Variants in DAAM2 observed in about 807,000 individuals in gnomAD.
DAAM2 encodes disheveled-associated activator of morphogenesis 2.
Under a neutral mutation model 120.7 loss-of-function variants are expected in DAAM2, and 39 were observed. The ratio of observed to expected loss-of-function variants is 0.32; its 90% CI spans 0.25 to 0.42. DAAM2 has a LOEUF of 0.42. Ranked by LOEUF, DAAM2 falls within the 10% of genes least tolerant of loss-of-function variation. The pLI, the probability that DAAM2 is intolerant of heterozygous loss-of-function variation, is 1.00. For missense variants in DAAM2, 1,283 were observed against 1,401.7 expected, an observed-to-expected ratio of 0.92 and a Z score of 1.35; for synonymous variants, 488 against 524.9, an observed-to-expected ratio of 0.93 and a Z score of 0.96.
At chr6:39,808,772 A>G (rs1203158168) in intron 1 of DAAM2, among the ~76,000 whole-genome samples, 1 of 152,202 alleles carries the variant, frequency 6.6e-6, no homozygotes, top group Admixed American at 6.5e-5. Context: ...CTTAACTCTC[A>G]GTTCAGCAGC....
chr6:39,796,745 C>A (rs1761716205), intron 1 of DAAM2, among the ~76,000 whole-genome samples: 1 of 151,496 alleles, frequency 6.6e-6, no homozygotes, highest in Admixed American at 6.6e-5. Context: ...CAAGGAAGAG[C>A]TTTAGAATCA....
intron 1 of DAAM2, among the ~76,000 whole-genome samples, chr6:39,802,909 G>T (rs1213894294): frequency 6.6e-6 from 1 of 152,048 alleles, no homozygotes; most frequent in East Asian, 1.9e-4. Context: ...CTGACTTCTA[G>T]CACCATAGAT....
chr6:39,795,147 C>G (rs1388639401), intron 1 of DAAM2, among the ~76,000 whole-genome samples: 1 of 152,184 alleles, frequency 6.6e-6, no homozygotes, highest in Non-Finnish European at 1.5e-5. Flanking sequence ...CTCATTCTAT[C>G]AGTTCAATCT....
Position 39,879,423 on chromosome 6 carries a change from T to C in DAAM2, c.1791T>C (p.Arg597=), listed in dbSNP as rs1390146787. 1 of 1,613,596 alleles carries C rather than the reference T, an allele frequency of 6.2e-7. No homozygotes were observed. Among genetic ancestry groups the C allele is most frequent in the South Asian group, 1.1e-5 (1 of 91,066 alleles). Residue 597 remains arginine (R), a synonymous_variant, in exon 14 of 25, where the codon CGT becomes CGC. Transcript: ENST00000274867. ...PSSDVPLRKK[R]VPQPSHPLKS... ...GTGACGTCCCACTCAGGAAAAAGCG[T>C]GTCCCCCAGCCTTCTCACCCACTGA...
At chr6:39,886,525 G>A in intron 15 of DAAM2, 1 of 399,096 alleles carries the variant, frequency 2.5e-6, no homozygotes, top group Non-Finnish European at 4.4e-6. Flanking sequence ...GGGCCTGACA[G>A]AGAGGACTTG....
In DAAM2 at chr6:39,813,252, T is replaced by C. The variant is rs569487796; in HGVS notation, c.-57+20787T>C. Among the ~76,000 whole-genome samples, 12 of 152,268 alleles carry C rather than the reference T, an allele frequency of 7.9e-5. No individual in the cohort carries two copies. In the East Asian group the frequency reaches 2.3e-3, roughly 29 times the overall value. The stretch of plus-strand genomic sequence containing the variant: ...GTTCCTTTTGGCATGGACCACTTAC[T>C]GTTTGAAGAGCCCTCTAGTGAGTTT... On this transcript the variant is annotated intron_variant, in intron 1 of 24. Transcript: ENST00000274867.
In DAAM2 at chr6:39,865,015, G is replaced by A. The variant is rs749360733; in HGVS notation, c.369G>A (p.Thr123=). Residue 123 remains threonine, a synonymous_variant, in exon 5 of 25, where the codon ACG becomes ACA. Transcript: ENST00000274867. The part of the protein sequence containing the change: ...QSLYAFDEEE[T]EMRNQVVEDL... ...TGTACGCGTTTGATGAGGAGGAGAC[G>A]GAGATGAGGAACCAAGTCGTGGAAG... 9 of 1,607,708 alleles carry A rather than the reference G, an allele frequency of 5.6e-6. No homozygotes were observed. The highest frequency in any genetic ancestry group is 5.3e-5 in the African/African-American group (4 of 74,834).
At chr6:39,853,362 T>C (rs931253737) in intron 1 of DAAM2, among the ~76,000 whole-genome samples, 1 of 152,192 alleles carries the variant, frequency 6.6e-6, no homozygotes, top group Non-Finnish European at 1.5e-5. Context: ...CTGTCATACA[T>C]GCAGCCCCTC....
At chr6:39,802,280 T>C (rs1299219461) in intron 1 of DAAM2, among the ~76,000 whole-genome samples, 2 of 152,308 alleles carry the variant, frequency 1.3e-5, no homozygotes, top group East Asian at 3.9e-4. Context: ...CATAAAGCTG[T>C]TTTTCAGAGC....
At chr6:39,887,927 C>A in intron 16 of DAAM2, 1 of 286,846 alleles carries the variant, frequency 3.5e-6, no homozygotes, top group Non-Finnish European at 6.8e-6. Context: ...AGGGCAGTAT[C>A]TGCGCTAACA....
chr6:39,832,656 A>C (rs1440914313), intron 1 of DAAM2, among the ~76,000 whole-genome samples: 5 of 152,206 alleles, frequency 3.3e-5, no homozygotes, highest in African/African-American at 1.2e-4. Flanking sequence ...ACTTCCTGTG[A>C]GGGCAGCTCC....
Position 39,891,660 on chromosome 6 carries a change from A to G in DAAM2, c.2279A>G (p.Gln760Arg), listed in dbSNP as rs570413956. 3.2e-5 allele frequency: 52 copies of G among 1,611,696 alleles called. No individual in the cohort carries two copies. The East Asian group carries it at 1.0e-3, about 32-fold the overall frequency. ...SRIDHYQQRL[Q>R]ALFFKKKFQE... ...ATTGACCACTACCAGCAGCGACTGC[A>G]AGCCCTCTTCTTCAAGAAGAAATTC... Residue 760 changes from glutamine to arginine, a missense_variant, in exon 19 of 25, where the codon CAA (glutamine) becomes CGA (arginine). Gln to Arg is a conservative substitution (Grantham distance 43). Around this residue, in one of 3 missense-constraint regions of DAAM2, gnomAD observed 748 missense variants for 768.6 expected, o/e 0.97. Coordinates refer to ENST00000274867, the MANE Select transcript of DAAM2 (RefSeq NM_001201427.2).
rs1327034231 is a variant in DAAM2 at position 39,879,129 on chromosome 6, G to C, written c.1546-49G>C. ...GGAATCATGGTGGGAGACCTGAATGGCAACGGTGCTGATGGCTTTGTCCTT... is the reference window on the plus strand; with the variant it reads ...GGAATCATGGTGGGAGACCTGAATGCCAACGGTGCTGATGGCTTTGTCCTT... On this transcript the variant is annotated intron_variant, in intron 13 of 24. Transcript: ENST00000274867. 5 of 1,233,656 alleles carry C rather than the reference G, an allele frequency of 4.1e-6. No homozygotes were observed. The African/African-American group carries it at 7.6e-5, about 19-fold the overall frequency. 76.4% of individuals were successfully genotyped at this position (1,233,656 alleles called of 1,614,324 possible). A position where few individuals can be genotyped will look rare whatever the true frequency, so the allele number is the denominator to read the frequency against.
rs975447697 is a variant in DAAM2, at chr6:39,904,418, G to C, written c.*2381G>C. Reference sequence around the variant, plus strand: ...GGTGCCCAGTCGGGGTGGCTGAGCTGGTCCTTAATAGGTTGTTTCTTGGTC... The same window carrying C: ...GGTGCCCAGTCGGGGTGGCTGAGCTCGTCCTTAATAGGTTGTTTCTTGGTC... On this transcript the variant is annotated 3_prime_UTR_variant, in exon 25 of 25. Transcript: ENST00000274867. 4.4e-6 allele frequency: 2 copies of C among 455,292 alleles called. No individual in the cohort carries two copies. The highest frequency in any genetic ancestry group is 4.0e-5 in the African/African-American group (2 of 50,140). 28.2% of individuals were successfully genotyped at this position (455,292 alleles called of 1,614,324 possible). A position where few individuals can be genotyped will look rare whatever the true frequency, so the allele number is the denominator to read the frequency against.
intron 14 of DAAM2, among the ~76,000 whole-genome samples, chr6:39,880,407 G>T (rs1582726597): frequency 6.6e-6 from 1 of 152,124 alleles, no homozygotes; most frequent in East Asian, 1.9e-4. Context: ...TCTGCCAGGG[G>T]TCTTCTCCTA....
intron 2 of DAAM2, among the ~76,000 whole-genome samples, chr6:39,856,843 G>A (rs1052717355): frequency 6.6e-6 from 1 of 152,194 alleles, no homozygotes; most frequent in Non-Finnish European, 1.5e-5. Context: ...GAGTTTCCCT[G>A]GGATCTTTTA....
rs1764975336 is a variant in DAAM2, at chr6:39,878,658, AGGTGTC to A, written c.1545+73_1545+78del. On this transcript the variant is annotated intron_variant, in intron 13 of 24. Coordinates refer to ENST00000274867, the MANE Select transcript of DAAM2 (RefSeq NM_001201427.2). The surrounding 1 kb of genome is among the most constrained non-coding windows in gnomAD (Gnocchi z 5.0). ...GGCTTCAGGACTGGGTGGGCAGAGC[AGGTGTC>A]GGAGAGGCCAAGGACCCCAGCATGA... 16 of 1,486,556 alleles carry A rather than the reference AGGTGTC, an allele frequency of 1.1e-5. No individual in the cohort carries two copies. Among genetic ancestry groups the A allele is most frequent in the Non-Finnish European group, 1.3e-5 (14 of 1,106,146 alleles). 92.1% of individuals were successfully genotyped at this position (1,486,556 alleles called of 1,614,324 possible). A position where few individuals can be genotyped will look rare whatever the true frequency, so the allele number is the denominator to read the frequency against.
intron 1 of DAAM2, among the ~76,000 whole-genome samples, chr6:39,805,828 A>G (rs988741124): frequency 6.6e-6 from 1 of 152,194 alleles, no homozygotes; most frequent in African/African-American, 2.4e-5. Context: ...CTGGGATTAT[A>G]GGAGTGAGCC....
chr6:39,805,343 T>A (rs1761978118), intron 1 of DAAM2, among the ~76,000 whole-genome samples: 1 of 152,102 alleles, frequency 6.6e-6, no homozygotes, highest in Admixed American at 6.5e-5. Context: ...TACTCCCAAA[T>A]GAGGATAAAA....
Sources: allele counts gnomAD v4.1 joint callset (sites outside exome capture counted in the v4.1 genomes callset), GRCh38; gene constraint gnomAD v4.1.1; regional missense constraint gnomAD v4.1.1; non-coding constraint Gnocchi (gnomAD v3.1); transcripts MANE v1.5; gene names NCBI Gene and HGNC (gene_info 2026-07-23, HGNC 2026-07-21).